The following PTPRD variants were observed in gnomAD, a reference collection of about 807,000 sequenced individuals.
PTPRD encodes receptor-type tyrosine-protein phosphatase delta.
In PTPRD, 34 loss-of-function variants were observed where a neutral mutation model predicts 214.5. The ratio of observed to expected loss-of-function variants is 0.16; its 90% CI spans 0.12 to 0.21. The LOEUF is 0.21. Ranked by LOEUF, PTPRD falls within the 10% of genes least tolerant of loss-of-function variation. The probability of loss-of-function intolerance (pLI) is 1.00; values close to 1 mark genes in which losing one functional copy is unlikely to be tolerated. For missense variants in PTPRD, 2,545 were observed against 2,398.7 expected, an observed-to-expected ratio of 1.06 and a Z score of -1.27; for synonymous variants, 1,128 against 845.7, an observed-to-expected ratio of 1.33 and a Z score of -5.79.
At chr9:10,352,674 A>T in intron 2 of PTPRD, among the ~76,000 whole-genome samples, 1 of 152,038 alleles carries the variant, frequency 6.6e-6, no homozygotes, top group Non-Finnish European at 1.5e-5. Context: ...TGTTGGATAC[A>T]AGCCTTTCTT....
At chr9:8,975,298 T>A (rs1327466987) in intron 11 of PTPRD, among the ~76,000 whole-genome samples, 2 of 152,006 alleles carry the variant, frequency 1.3e-5, no homozygotes, top group Non-Finnish European at 2.9e-5. Context: ...AATTAAACAA[T>A]CACTTTGTTT....
intron 3 of PTPRD, among the ~76,000 whole-genome samples, chr9:10,174,669 A>G (rs921313917): frequency 2.0e-5 from 3 of 151,980 alleles, no homozygotes; most frequent in African/African-American, 4.8e-5. Flanking sequence ...TATTTCCCCA[A>G]AAAAAGTGAA....
intron 8 of PTPRD, among the ~76,000 whole-genome samples, chr9:9,438,087 C>G (rs1026819674): frequency 2.6e-5 from 4 of 152,096 alleles, no homozygotes; most frequent in Non-Finnish European, 5.9e-5. Context: ...TCTCTGTATC[C>G]TAATGTCCTC....
chr9:8,589,522 C>T (rs1481189262), intron 14 of PTPRD, among the ~76,000 whole-genome samples: 1 of 152,126 alleles, frequency 6.6e-6, no homozygotes, highest in African/African-American at 2.4e-5. Flanking sequence ...TTCTAATTAT[C>T]TGAATTAACC....
At chr9:9,404,314 T>C (rs1229435509) in intron 8 of PTPRD, among the ~76,000 whole-genome samples, 1 of 152,008 alleles carries the variant, frequency 6.6e-6, no homozygotes, top group Non-Finnish European at 1.5e-5. Flanking sequence ...GGGAGATCAG[T>C]TTTGAACCTT....
intron 3 of PTPRD, among the ~76,000 whole-genome samples, chr9:10,170,145 T>A (rs2099191688): frequency 6.6e-6 from 1 of 152,172 alleles, no homozygotes; most frequent in Admixed American, 6.5e-5. Flanking sequence ...ATTTATCACA[T>A]GCAGGCAGCA....
At chr9:10,221,925 A>T (rs2099572574) in intron 3 of PTPRD, among the ~76,000 whole-genome samples, 1 of 151,986 alleles carries the variant, frequency 6.6e-6, no homozygotes, top group African/African-American at 2.4e-5. Context: ...TTAAACTTGA[A>T]ACAAATCTTA....
intron 2 of PTPRD, among the ~76,000 whole-genome samples, chr9:10,507,517 C>A (rs1038431649): frequency 6.6e-6 from 1 of 152,074 alleles, no homozygotes; most frequent in South Asian, 2.1e-4. Flanking sequence ...AAGAACAAAG[C>A]TGGAGGAATC....
intron 11 of PTPRD, among the ~76,000 whole-genome samples, chr9:8,778,012 G>T (rs191381177): frequency 4.5e-4 from 69 of 152,288 alleles, no homozygotes; most frequent in African/African-American, 1.6e-3. Context: ...CAATGTCTAG[G>T]ATTGGTTACT....
chr9:8,489,792 A>C (rs2097112214), intron 27 of PTPRD, among the ~76,000 whole-genome samples: 1 of 152,246 alleles, frequency 6.6e-6, no homozygotes, highest in African/African-American at 2.4e-5. Context: ...CCCAAACTCC[A>C]CAGATTGGCA....
At chr9:9,306,520 C>T (rs2135218453) in intron 9 of PTPRD, among the ~76,000 whole-genome samples, 1 of 134,208 alleles carries the variant, frequency 7.5e-6, no homozygotes, top group East Asian at 2.3e-4. Context: ...ACCGAGATCA[C>T]ACCACTGCAC....
chr9:10,395,865 G>C (rs1053512365), intron 2 of PTPRD, among the ~76,000 whole-genome samples: 4 of 151,764 alleles, frequency 2.6e-5, no homozygotes, highest in African/African-American at 9.7e-5. Flanking sequence ...TGAATTGTTT[G>C]TTCCTAGAGA....
At chr9:9,811,429 C>A (rs1388794136) in intron 5 of PTPRD, among the ~76,000 whole-genome samples, 2 of 151,984 alleles carry the variant, frequency 1.3e-5, no homozygotes, top group African/African-American at 4.8e-5. Context: ...GAAAGTGGGC[C>A]AGGCGCGGTG....
At chr9:9,619,298 A>G (rs2154351597) in intron 7 of PTPRD, among the ~76,000 whole-genome samples, 1 of 152,110 alleles carries the variant, frequency 6.6e-6, no homozygotes, top group Non-Finnish European at 1.5e-5. Context: ...AGACTAGACG[A>G]TTAAGATACA....
rs2154327929 is a variant in PTPRD at position 8,636,716 on chromosome 9, T to C, written c.193A>G (p.Ser65Gly). The change falls in exon 13 of 46, where the codon AGC becomes GGC. Residue 65 changes from serine (S) to glycine (G), a missense_variant. Ser to Gly is a moderately conservative substitution (Grantham distance 56). Coordinates refer to ENST00000381196, the MANE Select transcript of PTPRD (RefSeq NM_002839.4). Reference sequence around the variant, plus strand: ...CCTAATACCTCAAATCTCTGATTGCTGACTTTCTTTCCTTTTTTGTTCCAG... The same window carrying C: ...CCTAATACCTCAAATCTCTGATTGCCGACTTTCTTTCCTTTTTTGTTCCAG... The part of the protein sequence containing the change: ...IVWNKKGKKV[S>G]NQRFEVIEFD... 1 of 1,614,080 alleles carries C rather than the reference T, an allele frequency of 6.2e-7. No homozygotes were observed. Among genetic ancestry groups the C allele is most frequent in the Non-Finnish European group, 8.5e-7 (1 of 1,179,938 alleles).
At chr9:10,141,780 G>T (rs563563841) in intron 3 of PTPRD, among the ~76,000 whole-genome samples, 2 of 152,170 alleles carry the variant, frequency 1.3e-5, no homozygotes, top group African/African-American at 4.8e-5. Context: ...CCAAAAAAGA[G>T]CCCGCATTGC....
chr9:9,293,473 C>T (rs560012862), intron 9 of PTPRD, among the ~76,000 whole-genome samples: 34 of 150,838 alleles, frequency 2.3e-4, no homozygotes, highest in Non-Finnish European at 4.0e-4. Flanking sequence ...GTAGTTCCTG[C>T]TCCAGTACTA....
rs1235570208 is a variant in PTPRD at position 10,002,593 on chromosome 9, A to C, written c.-472+31125T>G. Among the ~76,000 whole-genome samples, 3 of 151,352 alleles carry C rather than the reference A, an allele frequency of 2.0e-5. 1 individual carries two copies. The highest frequency in any genetic ancestry group is 2.0e-4 in the Admixed American group (3 of 15,206). On this transcript the variant is annotated intron_variant, in intron 4 of 45. Transcript: ENST00000381196. The stretch of plus-strand genomic sequence containing the variant: ...CTACAAAATTTTACTAGCACAAAAG[A>C]AGAATATTTTGTAATAATAAAATGG...
chr9:9,596,310 T>C (rs9407433), intron 7 of PTPRD, among the ~76,000 whole-genome samples: 41,532 of 151,848 alleles, frequency 0.27, 7,210 homozygotes, highest in Non-Finnish European at 0.38. Flanking sequence ...TAATTCTTTA[T>C]GTGTATTAAA....
Sources: gnomAD v4.1 joint callset for allele counts (sites outside exome capture counted in the v4.1 genomes callset) on GRCh38, gnomAD v4.1.1 for gene constraint, MANE v1.5 for transcripts, NCBI Gene and HGNC (gene_info 2026-07-23, HGNC 2026-07-21) for gene names.